NOVA1: variants seen among roughly 807,000 people sequenced by gnomAD.
The protein encoded by NOVA1 is RNA-binding protein Nova-1.
In NOVA1, 7 loss-of-function variants were observed where a neutral mutation model predicts 38.0. The ratio of observed to expected loss-of-function variants is 0.18; its 90% confidence interval spans 0.10 to 0.35. The LOEUF (loss-of-function observed/expected upper bound fraction) is 0.35. Among genes scored for constraint, NOVA1 ranks in the 10% least tolerant of loss-of-function variants. The pLI is 1.00. For synonymous variants in NOVA1, 270 were observed against 232.5 expected (o/e 1.16, Z -1.47); for missense variants, 460 against 616.0 (o/e 0.75, Z 2.68).
chr14:26,478,498 T>G (rs1885172730), intron 3 of NOVA1, among the ~76,000 whole-genome samples: 1 of 151,996 alleles, frequency 6.6e-6, no homozygotes, highest in South Asian at 2.1e-4. Context: ...GACCTTATAC[T>G]TCAGTGCTTA....
chr14:26,557,736 A>G (rs1333059071), intron 2 of NOVA1, among the ~76,000 whole-genome samples: 1 of 152,096 alleles, frequency 6.6e-6, no homozygotes, highest in Non-Finnish European at 1.5e-5. Flanking sequence ...CTTTTAACAT[A>G]CAATACAGCA....
rs1378997464 is a variant in NOVA1 at position 26,446,907 on chromosome 14, C to A, written c.*1052G>T. 1 of 152,596 alleles carries A rather than the reference C, an allele frequency of 6.6e-6. No individual in the cohort carries two copies. Among genetic ancestry groups the A allele is most frequent in the African/African-American group, 2.4e-5 (1 of 41,424 alleles). The allele number at this position is 152,596 out of a possible 1,614,324, so 9.5% of individuals were successfully genotyped here. ...TTAGAAACTGCATTGGCTGCTAGCG[C>A]CATGCTGCAAAGACTCCATCATGGG... On this transcript the variant is annotated 3_prime_UTR_variant, in exon 5 of 5. Coordinates refer to ENST00000539517, the MANE Select transcript of NOVA1 (RefSeq NM_002515.3).
At chr14:26,462,239 C>A (rs1883741953) in intron 4 of NOVA1, among the ~76,000 whole-genome samples, 1 of 151,956 alleles carries the variant, frequency 6.6e-6, no homozygotes, top group African/African-American at 2.4e-5. Flanking sequence ...TTAGTAAACA[C>A]CAACTATTCT....
chr14:26,539,466 T>C (rs1429984857), intron 2 of NOVA1, among the ~76,000 whole-genome samples: 2 of 152,158 alleles, frequency 1.3e-5, no homozygotes, highest in Non-Finnish European at 2.9e-5. Flanking sequence ...GAAAAGTTCT[T>C]TTCCAAGAAA....
chr14:26,524,425 G>A (rs1889147911), intron 2 of NOVA1, among the ~76,000 whole-genome samples: 1 of 151,952 alleles, frequency 6.6e-6, no homozygotes, highest in Non-Finnish European at 1.5e-5. Context: ...AAGACAAATG[G>A]CTCAAATGAT....
chr14:26,453,724 T>C (rs997907763), intron 4 of NOVA1, among the ~76,000 whole-genome samples: 1 of 152,192 alleles, frequency 6.6e-6, no homozygotes, highest in African/African-American at 2.4e-5. Flanking sequence ...ATAGGCATCA[T>C]ATTTCTTCAT....
chr14:26,537,115 A>G (rs767424489), intron 2 of NOVA1, among the ~76,000 whole-genome samples: 2 of 152,120 alleles, frequency 1.3e-5, no homozygotes, highest in Non-Finnish European at 2.9e-5. Context: ...TGTTAAATGT[A>G]TATTAGCAAA....
intron 2 of NOVA1, among the ~76,000 whole-genome samples, chr14:26,528,265 TA>T (rs1488722281): frequency 1.3e-5 from 2 of 152,200 alleles, no homozygotes; most frequent in African/African-American, 4.8e-5. Context: ...TTATGCTTAC[TA>T]GGTTTAGGCA....
chr14:26,492,932 CA>C (rs925566018), intron 2 of NOVA1, among the ~76,000 whole-genome samples: 22 of 145,634 alleles, frequency 1.5e-4, no homozygotes, highest in East Asian at 4.0e-4. Flanking sequence ...GGCTCTGTCT[CA>C]AAAAAAAAAT....
At chr14:26,563,152 G>A (rs575426949) in intron 2 of NOVA1, among the ~76,000 whole-genome samples, 8 of 151,772 alleles carry the variant, frequency 5.3e-5, no homozygotes, top group Non-Finnish European at 7.4e-5. Flanking sequence ...TTGACAAAAC[G>A]TCTCCAACAC....
rs542110475 is a variant in NOVA1 at position 26,466,366 on chromosome 14, TA to T, written c.519+5953del. On this transcript the variant is annotated intron_variant, in intron 4 of 4. Coordinates refer to ENST00000539517, the MANE Select transcript of NOVA1 (RefSeq NM_002515.3). ...CTGAGTTATTTTAAAAGGAACAGGTTAGGGGTAGTTTTTGGACTTACTGTAT... is the reference window on the plus strand; with the variant it reads ...CTGAGTTATTTTAAAAGGAACAGGTTGGGGTAGTTTTTGGACTTACTGTAT... Among the ~76,000 whole-genome samples, 334 of 152,256 alleles carry T rather than the reference TA, an allele frequency of 2.2e-3. 1 individual carries two copies. Among genetic ancestry groups the T allele is most frequent in the African/African-American group, 7.2e-3 (300 of 41,564 alleles).
chr14:26,482,014 A>AAAAAAC (rs1566463482), intron 2 of NOVA1, among the ~76,000 whole-genome samples: 1 of 133,996 alleles, frequency 7.5e-6, no homozygotes, highest in Admixed American at 7.7e-5. Context: ...AAAAAAAAAA[A>AAAAAAC]CATGGCTCTA....
In NOVA1 at chr14:26,518,266, T is replaced by C. The variant is rs1031562592; in HGVS notation, c.281-38123A>G. 3.9e-5 allele frequency among the ~76,000 whole-genome samples: 6 copies of C among 152,164 alleles called. No individual in the cohort carries two copies. The South Asian group carries it at 1.0e-3, about 26-fold the overall frequency. Reference sequence around the variant, plus strand: ...AACACTGTGTTGGGATAATGAGTAATGTTTCTTTTCCATAGTTTTCTATGT... The same window carrying C: ...AACACTGTGTTGGGATAATGAGTAACGTTTCTTTTCCATAGTTTTCTATGT... On this transcript the variant is annotated intron_variant, in intron 2 of 4. Coordinates refer to ENST00000539517, the MANE Select transcript of NOVA1 (RefSeq NM_002515.3).
At chr14:26,512,795 T>C (rs1004361184) in intron 2 of NOVA1, among the ~76,000 whole-genome samples, 2 of 151,086 alleles carry the variant, frequency 1.3e-5, no homozygotes, top group Non-Finnish European at 3.0e-5. Flanking sequence ...AAAACTTTAC[T>C]TGAAGTGCTA....
intron 2 of NOVA1, among the ~76,000 whole-genome samples, chr14:26,571,346 G>T (rs1049806671): frequency 1.3e-5 from 2 of 152,076 alleles, no homozygotes; most frequent in African/African-American, 4.8e-5. Context: ...CCTATATACT[G>T]AGAGTACTCA....
At chr14:26,504,059 T>C (rs1887445062) in intron 2 of NOVA1, among the ~76,000 whole-genome samples, 1 of 152,100 alleles carries the variant, frequency 6.6e-6, no homozygotes, top group South Asian at 2.1e-4. Context: ...AATCAAAACT[T>C]CCTAGAAGGT....
chr14:26,577,189 T>A (rs1892911290), intron 2 of NOVA1, among the ~76,000 whole-genome samples: 1 of 152,096 alleles, frequency 6.6e-6, no homozygotes. Flanking sequence ...GCACTGTATC[T>A]CCTTTTTTAA....
chr14:26,513,559 A>C (rs1370453827), intron 2 of NOVA1, among the ~76,000 whole-genome samples: 1 of 151,856 alleles, frequency 6.6e-6, no homozygotes, highest in Non-Finnish European at 1.5e-5. Flanking sequence ...AGAAAATGTC[A>C]GTGCTTCTGA....
In NOVA1 at chr14:26,580,942, A is replaced by G. The variant is rs535376029; in HGVS notation, c.280+14468T>C. Among the ~76,000 whole-genome samples, 3 of 152,202 alleles carry G rather than the reference A, an allele frequency of 2.0e-5. No individual in the cohort carries two copies. In the East Asian group the frequency reaches 5.8e-4, roughly 29 times the overall value. On this transcript the variant is annotated intron_variant, in intron 2 of 4. Coordinates refer to ENST00000539517, the MANE Select transcript of NOVA1 (RefSeq NM_002515.3). ...GTATTATTAAATGAAACAAGCATAG[A>G]AAGGAGGTGAAAAATGATAGGGTCA...
Sources: gnomAD v4.1 joint callset for allele counts (sites outside exome capture counted in the v4.1 genomes callset) on GRCh38, gnomAD v4.1.1 for gene constraint, MANE v1.5 for transcripts, NCBI Gene and HGNC (gene_info 2026-07-23, HGNC 2026-07-21) for gene names.